Variants in FOCAD observed in about 807,000 individuals in gnomAD.
The protein encoded by FOCAD is focadhesin.
Under a neutral mutation model 225.6 loss-of-function variants are expected in FOCAD, and 198 were observed. The observed-to-expected ratio is 0.88, with a 90% CI of 0.78 to 0.99. FOCAD has a LOEUF of 0.99. FOCAD is among the 50% of genes least tolerant of loss of function. FOCAD has a pLI of 0.00. For synonymous variants in FOCAD, 897 were observed against 755.0 expected (o/e 1.19, Z -3.08); for missense variants, 2,713 against 2,123.6 (o/e 1.28, Z -5.46).
At chr9:20,944,556 C>G (rs1836987198) in intron 28 of FOCAD, 71 bp from the exon 29 acceptor site, 1 of 1,535,986 alleles carries the variant, frequency 6.5e-7, no homozygotes, top group Non-Finnish European at 8.9e-7. Flanking sequence ...TCTGTAAACA[C>G]CCGTGGTAAG....
At chr9:20,975,304 A>G (rs778110053) in intron 35 of FOCAD, among the ~76,000 whole-genome samples, 1 of 152,152 alleles carries the variant, frequency 6.6e-6, no homozygotes, top group Non-Finnish European at 1.5e-5. Context: ...ATTTCTAATT[A>G]CCCTATACAC....
At chr9:20,810,333 G>C (rs1822923407) in intron 11 of FOCAD, among the ~76,000 whole-genome samples, 1 of 152,052 alleles carries the variant, frequency 6.6e-6, no homozygotes, top group Admixed American at 6.6e-5. Context: ...CTAATTGTTG[G>C]AGAGATTTCA....
At chr9:20,890,658 G>A (rs947454906) in intron 21 of FOCAD, among the ~76,000 whole-genome samples, 8 of 151,990 alleles carry the variant, frequency 5.3e-5, no homozygotes, top group African/African-American at 9.7e-5. Flanking sequence ...GCCTGGTTGT[G>A]TTATCAGGGT....
intron 16 of FOCAD, among the ~76,000 whole-genome samples, chr9:20,864,149 C>G (rs1378779785): frequency 6.6e-6 from 1 of 152,058 alleles, no homozygotes; most frequent in Non-Finnish European, 1.5e-5. Context: ...CTCCCACTTT[C>G]ATCTGTGTGT....
At chr9:20,698,455 A>G (rs1428808717) in intron 1 of FOCAD, among the ~76,000 whole-genome samples, 1 of 152,110 alleles carries the variant, frequency 6.6e-6, no homozygotes, top group Non-Finnish European at 1.5e-5. Flanking sequence ...GCTGGAGTGT[A>G]GTGCTGCAAT....
intron 6 of FOCAD, among the ~76,000 whole-genome samples, chr9:20,760,998 T>C (rs1469649043): frequency 6.6e-6 from 1 of 151,598 alleles, no homozygotes; most frequent in Non-Finnish European, 1.5e-5. Context: ...AAAATGACAA[T>C]ATATCTTCAT....
chr9:20,788,681 C>T (rs1820199579), intron 10 of FOCAD, among the ~76,000 whole-genome samples: 1 of 152,186 alleles, frequency 6.6e-6, no homozygotes. Context: ...CACTTCTGAG[C>T]TGTTTATTTA....
chr9:20,844,077 C>T (rs1826820847), intron 15 of FOCAD, among the ~76,000 whole-genome samples: 1 of 152,078 alleles, frequency 6.6e-6, no homozygotes, highest in Admixed American at 6.6e-5. Flanking sequence ...ACCCAAAAAG[C>T]CCATTTCTAG....
At chr9:20,862,274 T>A (rs138936359) in intron 15 of FOCAD, among the ~76,000 whole-genome samples, 1 of 152,016 alleles carries the variant, frequency 6.6e-6, no homozygotes, top group African/African-American at 2.4e-5. Context: ...AGCTAGATAA[T>A]CTGGAGTTAA....
intron 35 of FOCAD, among the ~76,000 whole-genome samples, chr9:20,957,981 T>G (rs1838358612): frequency 6.6e-6 from 1 of 152,042 alleles, no homozygotes; most frequent in Non-Finnish European, 1.5e-5. Flanking sequence ...CAGCCCTGTA[T>G]GAATTTGCAA....
chr9:20,750,264 A>G (rs1379931198), intron 5 of FOCAD, among the ~76,000 whole-genome samples: 6 of 152,152 alleles, frequency 3.9e-5, no homozygotes, highest in Admixed American at 3.3e-4. Context: ...TTTATTGTAG[A>G]TAGGCATTTG....
chr9:20,906,213 C>G (rs1312047175), intron 21 of FOCAD, among the ~76,000 whole-genome samples: 1 of 151,906 alleles, frequency 6.6e-6, no homozygotes, highest in East Asian at 1.9e-4. Context: ...TCTTATCTTC[C>G]CTATCACAAG....
intron 43 of FOCAD, among the ~76,000 whole-genome samples, chr9:20,993,603 T>G (rs963541645): frequency 6.6e-6 from 1 of 152,206 alleles, no homozygotes; most frequent in Non-Finnish European, 1.5e-5. Context: ...ATATAATATT[T>G]TTAGTAATTT....
chr9:20,810,743 A>G (rs1822971476), intron 11 of FOCAD, among the ~76,000 whole-genome samples: 1 of 152,112 alleles, frequency 6.6e-6, no homozygotes, highest in South Asian at 2.1e-4. Context: ...TAATAGTCAG[A>G]TGGCTAATGA....
rs146197218 is a variant in FOCAD at position 20,934,717 on chromosome 9, A to T, written c.3407+1614A>T. Among the ~76,000 whole-genome samples, 3 of 152,200 alleles carry T rather than the reference A, an allele frequency of 2.0e-5. No individual in the cohort carries two copies. The East Asian group carries it at 5.8e-4, about 29-fold the overall frequency. Reference sequence around the variant, plus strand: ...CTTTTTGCCTAGTCTTGCTTTGGCTATGTGGACTTCTTCAGAAAGCTCCCA... The same window carrying T: ...CTTTTTGCCTAGTCTTGCTTTGGCTTTGTGGACTTCTTCAGAAAGCTCCCA... On this transcript the variant is annotated intron_variant, in intron 28 of 43. Coordinates refer to ENST00000338382, the MANE Select transcript of FOCAD (RefSeq NM_001375567.1).
intron 6 of FOCAD, among the ~76,000 whole-genome samples, chr9:20,759,461 A>G (rs1469699304): frequency 3.9e-5 from 6 of 152,210 alleles, no homozygotes; most frequent in Middle Eastern, 3.2e-3. Flanking sequence ...AGCAATGGGG[A>G]AAGGATTCCC....
intron 43 of FOCAD, among the ~76,000 whole-genome samples, chr9:20,995,017 C>T (rs1002545851): frequency 1.3e-5 from 2 of 151,916 alleles, no homozygotes; most frequent in Admixed American, 1.3e-4. Flanking sequence ...ACAGAACTTC[C>T]TATTTTAAAT....
chr9:20,659,955 T>A (rs1821662871), intron 2 of FOCAD, among the ~76,000 whole-genome samples: 1 of 152,184 alleles, frequency 6.6e-6, no homozygotes, highest in African/African-American at 2.4e-5. Context: ...TTGGCAACAT[T>A]TTCCAGGTTT....
intron 2 of FOCAD, among the ~76,000 whole-genome samples, chr9:20,716,686 G>C (rs1045037557): frequency 6.6e-6 from 1 of 151,992 alleles, no homozygotes; most frequent in African/African-American, 2.4e-5. Context: ...ACCACTGCTC[G>C]ATGTTAGCAC....
Sources: gnomAD v4.1 joint callset for allele counts (sites outside exome capture counted in the v4.1 genomes callset) on GRCh38, gnomAD v4.1.1 for gene constraint, MANE v1.5 for transcripts, NCBI Gene and HGNC (gene_info 2026-07-23, HGNC 2026-07-21) for gene names.